The following NRG3 variants were observed in gnomAD, a reference collection of about 807,000 sequenced individuals.
The protein encoded by NRG3 is pro-neuregulin-3, membrane-bound isoform.
Under a neutral mutation model 66.9 loss-of-function variants are expected in NRG3, and 31 were observed. That is an observed-to-expected ratio of 0.46 (90% CI 0.35 to 0.63). The LOEUF (loss-of-function observed/expected upper bound fraction) is 0.63, where lower values mean the gene tolerates loss of function less well. Ranked by LOEUF, NRG3 falls within the 20% of genes least tolerant of loss-of-function variation. The probability of loss-of-function intolerance (pLI) is 0.00; values close to 1 mark genes in which losing one functional copy is unlikely to be tolerated. For missense variants in NRG3, 910 were observed against 878.9 expected (o/e 1.04, Z -0.45); for synonymous variants, 393 against 359.4 (o/e 1.09, Z -1.06).
chr10:82,591,134 C>T (rs2046958151), intron 2 of NRG3, among the ~76,000 whole-genome samples: 1 of 152,160 alleles, frequency 6.6e-6, no homozygotes, highest in Non-Finnish European at 1.5e-5. Context: ...CTCAGGTTCT[C>T]CTGAGCATAC....
At chr10:82,307,424 T>A (rs1206954569) in intron 1 of NRG3, among the ~76,000 whole-genome samples, 1 of 152,206 alleles carries the variant, frequency 6.6e-6, no homozygotes, top group East Asian at 1.9e-4. Flanking sequence ...CACTGGTTCA[T>A]ATTTTTTTCA....
intron 1 of NRG3, among the ~76,000 whole-genome samples, chr10:81,942,979 C>T (rs545731162): frequency 2.0e-5 from 3 of 152,198 alleles, no homozygotes; most frequent in Non-Finnish European, 2.9e-5. Context: ...CATTTTCTAC[C>T]GGCCAGTTTG....
intron 3 of NRG3, among the ~76,000 whole-genome samples, chr10:82,845,802 G>A (rs2063284522): frequency 6.6e-6 from 1 of 152,000 alleles, no homozygotes; most frequent in South Asian, 2.1e-4. Flanking sequence ...CTGTGAAATC[G>A]AATCACAAAA....
chr10:82,025,506 G>A (rs931949230), intron 1 of NRG3, among the ~76,000 whole-genome samples: 20 of 151,858 alleles, frequency 1.3e-4, no homozygotes, highest in Non-Finnish European at 1.3e-4. Flanking sequence ...TCTTAATAGA[G>A]AAATGCTGGT....
At chr10:82,905,257 T>C (rs11196399) in intron 4 of NRG3, among the ~76,000 whole-genome samples, 54,711 of 151,990 alleles carry the variant, frequency 0.36, 10,291 homozygotes, top group East Asian at 0.53. Context: ...GGCCTTGTAT[T>C]TTCTCAGTTC....
intron 1 of NRG3, among the ~76,000 whole-genome samples, chr10:81,976,606 G>T (rs2060132841): frequency 6.6e-6 from 1 of 152,154 alleles, no homozygotes; most frequent in African/African-American, 2.4e-5. Context: ...AACGTGACAT[G>T]ACACACCATT....
intron 2 of NRG3, among the ~76,000 whole-genome samples, chr10:82,728,204 A>T (rs1318853817): frequency 6.6e-6 from 1 of 152,148 alleles, no homozygotes; most frequent in Non-Finnish European, 1.5e-5. Context: ...TAGGGAACGC[A>T]TGATTTGTTT....
intron 2 of NRG3, among the ~76,000 whole-genome samples, chr10:82,448,049 T>C (rs543476191): frequency 2.0e-5 from 3 of 152,174 alleles, no homozygotes. Context: ...TAGTCCCAAA[T>C]AGAGGAAGCA....
At chr10:82,418,397 T>TGTTTATGCAAATTAACCA (rs1404173575) in intron 2 of NRG3, among the ~76,000 whole-genome samples, 9 of 145,696 alleles carry the variant, frequency 6.2e-5, no homozygotes, top group Non-Finnish European at 1.1e-4. Flanking sequence ...TTTATGCAAA[T>TGTTTATGCAAATTAACCA]GTTTATGCAA....
intron 1 of NRG3, among the ~76,000 whole-genome samples, chr10:82,300,593 A>G (rs2080342203): frequency 6.6e-6 from 1 of 152,204 alleles, no homozygotes; most frequent in African/African-American, 2.4e-5. Flanking sequence ...GGGAGTTAAA[A>G]ATTACTTAAC....
At chr10:82,754,318 T>C (rs1341531588) in intron 3 of NRG3, among the ~76,000 whole-genome samples, 2 of 151,474 alleles carry the variant, frequency 1.3e-5, no homozygotes, top group African/African-American at 4.8e-5. Flanking sequence ...TTAAAATATA[T>C]AAAAGGAGAG....
chr10:82,572,250 A>G (rs773352898), intron 2 of NRG3, among the ~76,000 whole-genome samples: 2 of 151,552 alleles, frequency 1.3e-5, no homozygotes, highest in Non-Finnish European at 3.0e-5. Context: ...TACTTACTGA[A>G]TCTATCCTTA....
rs376672668 is a variant in NRG3 at position 82,740,135 on chromosome 10, CTTCCCTTCCTCCCTCT to C, written c.1027+1509_1027+1524del. 2.5e-3 allele frequency among the ~76,000 whole-genome samples: 370 copies of C among 149,192 alleles called. 1 individual carries two copies. The highest frequency in any genetic ancestry group is 8.8e-3 in the African/African-American group (353 of 40,180). On this transcript the variant is annotated intron_variant, in intron 3 of 8. Coordinates refer to ENST00000372141, the MANE Select transcript of NRG3 (RefSeq NM_001010848.4). ...TTTTGTCTCCTTTAATATAATACTT[CTTCCCTTCCTCCCTCT>C]TTCCCTTCCTCCCTCTTTCCCTTTC...
intron 4 of NRG3, among the ~76,000 whole-genome samples, chr10:82,913,635 G>T (rs1450203067): frequency 3.9e-5 from 6 of 152,224 alleles, no homozygotes; most frequent in African/African-American, 1.4e-4. Flanking sequence ...GCCTTCTCTT[G>T]TTTTCATAGT....
rs150111374 is a variant in NRG3, at chr10:82,606,038, C to G, written c.954-132539C>G. Among the ~76,000 whole-genome samples, 167 of 152,112 alleles carry G rather than the reference C, an allele frequency of 1.1e-3. 4 individuals carry two copies. In the East Asian group the frequency reaches 0.029, roughly 26 times the overall value. The stretch of plus-strand genomic sequence containing the variant: ...ATTGTCACTTTCATCAACTTCTGCT[C>G]TAATTTTGTATATGTCTTTTCTTCA... On this transcript the variant is annotated intron_variant, in intron 2 of 8. Coordinates refer to ENST00000372141, the MANE Select transcript of NRG3 (RefSeq NM_001010848.4).
intron 1 of NRG3, among the ~76,000 whole-genome samples, chr10:82,205,524 A>G (rs2075073455): frequency 6.6e-6 from 1 of 152,184 alleles, no homozygotes. Flanking sequence ...TCAGGACAAT[A>G]TCATCAAAGA....
chr10:82,979,104 A>G lies in NRG3; in HGVS notation c.1567A>G (p.Thr523Ala). ...LEESRIPDQD[T>A]IPCQGYSSSG... The stretch of plus-strand genomic sequence containing the variant: ...AGAATCAAGGATCCCAGACCAGGAT[A>G]CGATACCTTGCCAAGGGTAGGTCTT... Residue 523 changes from threonine (T) to alanine (A), a missense_variant, in exon 8 of 9, where the codon ACG (threonine) becomes GCG (alanine). By Grantham distance (58) the Thr-to-Ala change is moderately conservative. Transcript: ENST00000372141. 6.2e-7 allele frequency: 1 copy of G among 1,614,024 alleles called. No individual in the cohort carries two copies. Among genetic ancestry groups the G allele is most frequent in the Non-Finnish European group, 8.5e-7 (1 of 1,179,944 alleles).
In NRG3 at chr10:82,232,621, A is replaced by G. The variant is rs114476257; in HGVS notation, c.824-126118A>G. The G allele has an allele frequency of 1.0e-3, 615 of 616,002 alleles. 2 individuals carry two copies. Among genetic ancestry groups the G allele is most frequent in the African/African-American group, 1.0e-2 (542 of 54,326 alleles). The allele number at this position is 616,002 out of a possible 1,614,324, so 38.2% of individuals were successfully genotyped here. A position where few individuals can be genotyped will look rare whatever the true frequency, so the allele number is the denominator to read the frequency against. On this transcript the variant is annotated intron_variant, in intron 1 of 8. Transcript: ENST00000372141. Reference sequence around the variant, plus strand: ...ATTGTTTTTCTCTTTTGCTGCATCTATAAATATTATGATTTGTCAGAAATT... The same window carrying G: ...ATTGTTTTTCTCTTTTGCTGCATCTGTAAATATTATGATTTGTCAGAAATT...
At chr10:82,741,973 T>C (rs535911357) in intron 3 of NRG3, among the ~76,000 whole-genome samples, 42 of 152,312 alleles carry the variant, frequency 2.8e-4, no homozygotes, top group Admixed American at 9.8e-4. Flanking sequence ...GTCAAAATTC[T>C]TGCTGAAGGA....
Sources: gnomAD v4.1 joint callset for allele counts (sites outside exome capture counted in the v4.1 genomes callset) on GRCh38, gnomAD v4.1.1 for gene constraint, MANE v1.5 for transcripts, NCBI Gene and HGNC (gene_info 2026-07-23, HGNC 2026-07-21) for gene names.